Variants in SLIT3 observed in about 807,000 individuals in gnomAD.
The protein encoded by SLIT3 is slit guidance ligand 3.
Under a neutral mutation model 184.0 loss-of-function variants are expected in SLIT3, and 68 were observed. The ratio of observed to expected loss-of-function variants is 0.37; its 90% CI spans 0.30 to 0.45. The LOEUF (loss-of-function observed/expected upper bound fraction) is 0.45, where lower values mean the gene tolerates loss of function less well. Ranked by LOEUF, SLIT3 falls within the 20% of genes least tolerant of loss-of-function variation. The probability of loss-of-function intolerance (pLI) is 1.00; values close to 1 mark genes in which losing one functional copy is unlikely to be tolerated. For synonymous variants in SLIT3, 831 were observed against 828.6 expected, an observed-to-expected ratio of 1.00 and a Z score of -0.05; for missense variants, 1,707 against 2,026.0, an observed-to-expected ratio of 0.84 and a Z score of 3.02.
At chr5:169,160,783 C>T (rs1261753231) in intron 4 of SLIT3, among the ~76,000 whole-genome samples, 1 of 152,162 alleles carries the variant, frequency 6.6e-6, no homozygotes, top group Non-Finnish European at 1.5e-5. Flanking sequence ...CCAAAGATGT[C>T]AAACAGGCCA....
intron 12 of SLIT3, among the ~76,000 whole-genome samples, chr5:168,784,767 G>A (rs577316919): frequency 5.9e-5 from 9 of 152,204 alleles, no homozygotes; most frequent in African/African-American, 1.9e-4. Flanking sequence ...TTGAGTCCTG[G>A]CCCACAAACC....
chr5:168,870,078 T>C (rs1371348194), intron 5 of SLIT3, among the ~76,000 whole-genome samples: 1 of 152,178 alleles, frequency 6.6e-6, no homozygotes, highest in Non-Finnish European at 1.5e-5. Flanking sequence ...AAACATCTGC[T>C]CCAATAAAAG....
chr5:168,765,482 C>T (rs1156325343), intron 14 of SLIT3, among the ~76,000 whole-genome samples: 3 of 152,076 alleles, frequency 2.0e-5, no homozygotes, highest in Non-Finnish European at 2.9e-5. Flanking sequence ...TGTACATAAC[C>T]GAAAAAGTTC....
chr5:168,727,010 C>CAA (rs56207322), intron 20 of SLIT3, among the ~76,000 whole-genome samples: 2,225 of 97,812 alleles, frequency 0.023, 42 homozygotes, highest in African/African-American at 0.055. Context: ...GACTGTGTCT[C>CAA]AAAAAAAAAA....
chr5:168,897,647 T>TGCATACACACACACACACACACACACAC (rs3223457), intron 4 of SLIT3, among the ~76,000 whole-genome samples: 1 of 141,414 alleles, frequency 7.1e-6, no homozygotes, highest in Non-Finnish European at 1.5e-5. Context: ...CAGGTGCACG[T>TGCATACACACACACACACACACACACAC]ACACACACAC....
At chr5:168,740,688 C>G (rs1442249414) in intron 20 of SLIT3, among the ~76,000 whole-genome samples, 1 of 152,192 alleles carries the variant, frequency 6.6e-6, no homozygotes, top group Non-Finnish European at 1.5e-5. Flanking sequence ...GAAGTGAGGG[C>G]TGCCTTCCTC....
chr5:168,809,473 A>C (rs1408183691), intron 8 of SLIT3, among the ~76,000 whole-genome samples: 1 of 152,176 alleles, frequency 6.6e-6, no homozygotes, highest in African/African-American at 2.4e-5. Context: ...TAAACGAAAC[A>C]CTTCTGGCTT....
At chr5:169,141,910 C>A (rs1315596750) in intron 4 of SLIT3, among the ~76,000 whole-genome samples, 1 of 150,030 alleles carries the variant, frequency 6.7e-6, no homozygotes, top group Admixed American at 6.7e-5. Flanking sequence ...ATTAGCTGGG[C>A]GTGGTAGCGC....
intron 4 of SLIT3, among the ~76,000 whole-genome samples, chr5:168,953,704 C>T (rs977030948): frequency 1.2e-4 from 19 of 152,296 alleles, no homozygotes; most frequent in Non-Finnish European, 2.2e-4. Flanking sequence ...CTGGCACATC[C>T]GTGGCAGATG....
chr5:168,837,795 A>G (rs557424274), intron 6 of SLIT3, among the ~76,000 whole-genome samples: 2 of 152,342 alleles, frequency 1.3e-5, no homozygotes, highest in African/African-American at 2.4e-5. Context: ...GCACACACCA[A>G]CGATATCTCT....
chr5:168,737,455 GCA>G (rs376666819), intron 20 of SLIT3, among the ~76,000 whole-genome samples: 2 of 151,412 alleles, frequency 1.3e-5, no homozygotes, highest in African/African-American at 4.8e-5. Context: ...TCAGTGCTGT[GCA>G]CACACACACA....
At position 168,753,946 on chromosome 5, in the gene SLIT3, C is replaced by T. The variant is rs758069520; in HGVS notation, c.1747G>A (p.Val583Met). The change falls in exon 17 of 36, where the codon GTG becomes ATG. Residue 583 changes from valine to methionine, a missense_variant. Val to Met is a conservative substitution (Grantham distance 21). Around this residue, in one of 3 missense-constraint regions of SLIT3, gnomAD observed 1,307 missense variants for 1,511.6 expected, o/e 0.86. Transcript: ENST00000519560. ...TTCCCTGTCAGCATCAGCTCCTGCA[C>T]GCTGGCTGCTCCATCGAAAGCTCCC... is the stretch of plus-strand genomic sequence containing the variant. The part of the protein sequence containing the change: ...REGAFDGAAS[V>M]QELMLTGNQL... 46 of 1,611,582 alleles carry T rather than the reference C, an allele frequency of 2.9e-5. No homozygotes were observed. The highest frequency in any genetic ancestry group is 1.0e-4 in the Admixed American group (6 of 60,014).
chr5:168,988,751 C>T (rs1755217393), intron 4 of SLIT3, among the ~76,000 whole-genome samples: 1 of 152,064 alleles, frequency 6.6e-6, no homozygotes, highest in Non-Finnish European at 1.5e-5. Context: ...CTTTGGCACA[C>T]TGGAGGAGAA....
chr5:168,714,901 A>C (rs1015145011), intron 23 of SLIT3, among the ~76,000 whole-genome samples: 1 of 152,190 alleles, frequency 6.6e-6, no homozygotes, highest in African/African-American at 2.4e-5. Flanking sequence ...CAAACTTAAG[A>C]ATTTCAGAAT....
At chr5:168,814,407 AAAC>A (rs2113650110) in intron 8 of SLIT3, among the ~76,000 whole-genome samples, 1 of 114,718 alleles carries the variant, frequency 8.7e-6, no homozygotes, top group African/African-American at 2.6e-5. Context: ...GCAAACAAAC[AAAC>A]AAACAAACAA....
intron 4 of SLIT3, among the ~76,000 whole-genome samples, chr5:168,959,939 G>A (rs972800987): frequency 2.0e-5 from 3 of 152,168 alleles, no homozygotes; most frequent in Admixed American, 6.5e-5. Context: ...TCACTTTAGC[G>A]CTAAGGGAAC....
At chr5:169,032,526 T>C (rs1757066460) in intron 4 of SLIT3, among the ~76,000 whole-genome samples, 1 of 150,968 alleles carries the variant, frequency 6.6e-6, no homozygotes, top group Admixed American at 6.6e-5. Context: ...TTTTTTACCA[T>C]ATATGTGTAA....
intron 3 of SLIT3, among the ~76,000 whole-genome samples, chr5:169,231,733 G>C (rs967865801): frequency 2.0e-5 from 3 of 152,104 alleles, no homozygotes; most frequent in African/African-American, 7.2e-5. Flanking sequence ...TGTACATTCA[G>C]CTCTGATTGG....
At chr5:169,121,770 A>G (rs1760880768) in intron 4 of SLIT3, among the ~76,000 whole-genome samples, 1 of 152,232 alleles carries the variant, frequency 6.6e-6, no homozygotes, top group South Asian at 2.1e-4. Flanking sequence ...GTTCTTGTGC[A>G]TAAAACCATG....
Sources: allele counts gnomAD v4.1 joint callset (sites outside exome capture counted in the v4.1 genomes callset), GRCh38; gene constraint gnomAD v4.1.1; regional missense constraint gnomAD v4.1.1; transcripts MANE v1.5; gene names NCBI Gene and HGNC (gene_info 2026-07-23, HGNC 2026-07-21).